Variants in NUP155 observed in about 807,000 individuals in gnomAD.
NUP155 encodes the protein nuclear pore complex protein Nup155.
In NUP155, 71 loss-of-function variants were observed where a neutral mutation model predicts 180.4. The observed-to-expected ratio is 0.39, with a 90% CI of 0.33 to 0.48. The LOEUF is 0.48. NUP155 is among the 20% of genes least tolerant of loss of function. The pLI is 0.91. For missense variants in NUP155, 1,553 were observed against 1,648.9 expected, an observed-to-expected ratio of 0.94 and a Z score of 1.01; for synonymous variants, 582 against 559.5, an observed-to-expected ratio of 1.04 and a Z score of -0.57.
intron 29 of NUP155, 60 bp downstream of exon 29, chr5:37,302,719 G>C: frequency 6.4e-7 from 1 of 1,563,606 alleles, no homozygotes; most frequent in Non-Finnish European, 8.8e-7. Context: ...AGAATGGAAT[G>C]TGGAATAACT....
chr5:37,326,060 GT>G, intron 18 of NUP155, 93 bp from the exon 19 acceptor site: 2 of 920,864 alleles, frequency 2.2e-6, no homozygotes, highest in Non-Finnish European at 3.5e-6. Context: ...GCTTTATTCA[GT>G]TTTTAAAACT....
intron 30 of NUP155, among the ~76,000 whole-genome samples, chr5:37,300,772 T>G (rs1404712754): frequency 6.6e-6 from 1 of 151,262 alleles, no homozygotes; most frequent in African/African-American, 2.4e-5. Context: ...TCCTCCCACC[T>G]CAGACTCCTG....
intron 32 of NUP155, among the ~76,000 whole-genome samples, chr5:37,295,379 C>A (rs1016839992): frequency 6.6e-6 from 1 of 152,058 alleles, no homozygotes; most frequent in Non-Finnish European, 1.5e-5. Flanking sequence ...AGTGCAGTGG[C>A]GTGATCTCGG....
At position 37,346,438 on chromosome 5, in the gene NUP155, AAGGC is replaced by A. The variant is rs575973991; in HGVS notation, c.995+2063_995+2066del. 1.7e-3 allele frequency among the ~76,000 whole-genome samples: 259 copies of A among 152,256 alleles called. 2 individuals are homozygous for A. Among genetic ancestry groups the A allele is most frequent in the Middle Eastern group, 6.8e-3 (2 of 294 alleles). On this transcript the variant is annotated intron_variant, in intron 9 of 34. Coordinates refer to ENST00000231498, the MANE Select transcript of NUP155 (RefSeq NM_153485.3). ...TGTAATCCCAGCACTTCGGGAGGCC[AAGGC>A]AGGCAGATCACCTCAGGTCAGGAGG...
At chr5:37,352,869 T>A in intron 4 of NUP155, 40 bp from the exon 5 acceptor site, 1 of 1,366,064 alleles carries the variant, frequency 7.3e-7, no homozygotes, top group African/African-American at 1.4e-5. Context: ...ACTTTCAGCA[T>A]TTAAGCACTA....
intron 3 of NUP155, among the ~76,000 whole-genome samples, chr5:37,360,186 A>T (rs1174158994): frequency 6.6e-6 from 1 of 152,182 alleles, no homozygotes; most frequent in Non-Finnish European, 1.5e-5. Context: ...GATAAAAATT[A>T]TAAGAAGTCA....
At chr5:37,333,130 G>T (rs1259859496) in intron 13 of NUP155, among the ~76,000 whole-genome samples, 2 of 152,040 alleles carry the variant, frequency 1.3e-5, no homozygotes, top group African/African-American at 4.8e-5. Flanking sequence ...CGAGGCAGGC[G>T]GACCACCTGA....
chr5:37,330,837 A>G (rs997305838), intron 14 of NUP155, among the ~76,000 whole-genome samples: 1 of 152,200 alleles, frequency 6.6e-6, no homozygotes, highest in Non-Finnish European at 1.5e-5. Flanking sequence ...AACTCTTACT[A>G]GCAGACTTCA....
chr5:37,346,474 C>A (rs1240252336), intron 9 of NUP155, among the ~76,000 whole-genome samples: 2 of 151,986 alleles, frequency 1.3e-5, no homozygotes, highest in Non-Finnish European at 2.9e-5. Flanking sequence ...GAGGTCGAGA[C>A]CAGCCTGGCC....
intron 32 of NUP155, among the ~76,000 whole-genome samples, chr5:37,296,086 C>T (rs1261127250): frequency 5.3e-5 from 8 of 150,562 alleles, no homozygotes; most frequent in Non-Finnish European, 7.4e-5. Flanking sequence ...CCAGCCGCCC[C>T]GTCCGGGAGG....
rs1473481656 is a variant in NUP155 at position 37,330,139 on chromosome 5, A to T, written c.1630-7T>A. The T allele has an allele frequency of 6.3e-7, 1 of 1,597,710 alleles. No homozygotes were observed. Among genetic ancestry groups the T allele is most frequent in the Admixed American group, 1.7e-5 (1 of 59,394 alleles). On this transcript the variant is annotated splice_polypyrimidine_tract_variant and splice_region_variant and intron_variant, in intron 14 of 34. Coordinates refer to ENST00000231498, the MANE Select transcript of NUP155 (RefSeq NM_153485.3). ...TTGCACAAGCCTGGTCTTCCTGTGT[A>T]AAAAGAGGAATATTGGCCTTATATT...
chr5:37,358,838 G>A (rs564230593), intron 3 of NUP155, among the ~76,000 whole-genome samples: 1 of 152,098 alleles, frequency 6.6e-6, no homozygotes, highest in African/African-American at 2.4e-5. Context: ...CCAATGTGGT[G>A]AAACCCCGTC....
At chr5:37,329,450 T>C (rs1744817532) in intron 15 of NUP155, among the ~76,000 whole-genome samples, 172 bp from the exon 16 acceptor site, 1 of 152,214 alleles carries the variant, frequency 6.6e-6, no homozygotes, top group Admixed American at 6.5e-5. Context: ...TAAATATTTA[T>C]TCAGTAAATG....
At position 37,314,193 on chromosome 5, in the gene NUP155, A is replaced by G; in HGVS notation, c.2436+5T>C. On this transcript the variant is annotated splice_donor_5th_base_variant and intron_variant, in intron 22 of 34. Transcript: ENST00000231498. ...GTATAATCATAAAAAAATAAAAAAA[A>G]TTACCTTCTGAAGTTCTGCCACAAT... The G allele has an allele frequency of 6.2e-7, 1 of 1,600,248 alleles. No homozygotes were observed. Among genetic ancestry groups the G allele is most frequent in the Non-Finnish European group, 8.6e-7 (1 of 1,169,102 alleles).
chr5:37,299,822 C>T (rs573234146), intron 30 of NUP155, among the ~76,000 whole-genome samples: 2 of 151,488 alleles, frequency 1.3e-5, no homozygotes, highest in Admixed American at 6.6e-5. Context: ...ATCACGAGAT[C>T]GGGAGATGGA....
At chr5:37,316,861 A>G (rs1743918166) in intron 21 of NUP155, among the ~76,000 whole-genome samples, 2 of 148,298 alleles carry the variant, frequency 1.3e-5, no homozygotes, top group South Asian at 4.4e-4. Context: ...TGAACTGTAC[A>G]CTTAAAAACA....
chr5:37,288,575 A>G lies in NUP155; in HGVS notation c.*3325T>C, dbSNP rs1742111448. 1 of 152,012 alleles carries G rather than the reference A, an allele frequency of 6.6e-6. No homozygotes were observed. Among genetic ancestry groups the G allele is most frequent in the African/African-American group, 2.4e-5 (1 of 41,366 alleles). The allele number at this position is 152,012 out of a possible 1,614,324, so 9.4% of individuals were successfully genotyped here. A position where few individuals can be genotyped will look rare whatever the true frequency, so the allele number is the denominator to read the frequency against. ...CTGTTTCATAGACTATGTTCTACCA[A>G]TTATACATTGCCTACATATAATAGT... On this transcript the variant is annotated 3_prime_UTR_variant, in exon 35 of 35. Transcript: ENST00000231498.
Position 37,303,253 on chromosome 5 carries a change from G to A in NUP155, c.3317+7C>T, listed in dbSNP as rs370251412. 4.3e-6 allele frequency: 7 copies of A among 1,613,496 alleles called. No individual in the cohort carries two copies. Among genetic ancestry groups the A allele is most frequent in the Non-Finnish European group, 5.9e-6 (7 of 1,179,580 alleles). On this transcript the variant is annotated splice_region_variant and intron_variant, in intron 28 of 34. Coordinates refer to ENST00000231498, the MANE Select transcript of NUP155 (RefSeq NM_153485.3). ...TCATTCTTCACAATAAGAATATTAT[G>A]CCATACCTATGCATGTCAGCCAGTC...
intron 31 of NUP155, 126 bp downstream of exon 31, chr5:37,299,322 C>A: frequency 8.7e-7 from 1 of 1,143,708 alleles, no homozygotes; most frequent in African/African-American, 1.5e-5. Context: ...CACTTACTCT[C>A]TTCTTAGGTA....
Sources: gnomAD v4.1 joint callset for allele counts (sites outside exome capture counted in the v4.1 genomes callset) on GRCh38, gnomAD v4.1.1 for gene constraint, MANE v1.5 for transcripts, NCBI Gene and HGNC (gene_info 2026-07-23, HGNC 2026-07-21) for gene names.